Variants in MSMB observed in about 807,000 individuals in gnomAD.
MSMB encodes the protein microseminoprotein beta.
MSMB carries 10 observed loss-of-function variants against 10.5 expected under a neutral mutation model. The ratio of observed to expected loss-of-function variants is 0.95; its 90% confidence interval spans 0.59 to 1.62. The LOEUF is 1.62. MSMB is among the 40% of genes most tolerant of loss of function. The pLI is 0.00. For synonymous variants in MSMB, 43 were observed against 46.5 expected (o/e 0.93, Z 0.30); for missense variants, 126 against 137.4 (o/e 0.92, Z 0.42).
intron 1 of MSMB, among the ~76,000 whole-genome samples, chr10:46,044,251 T>C (rs1472646161): frequency 1.3e-5 from 2 of 151,760 alleles, no homozygotes; most frequent in African/African-American, 4.8e-5. Flanking sequence ...CAGCGAGCCT[T>C]GAGGTGAAGC....
chr10:46,037,294 G>A (rs569105813), intron 3 of MSMB, among the ~76,000 whole-genome samples: 1 of 152,274 alleles, frequency 6.6e-6, no homozygotes, highest in African/African-American at 2.4e-5. Context: ...ATTTCATCAA[G>A]CTTCCCAGGT....
chr10:46,044,947 G>T (rs1590199703), intron 1 of MSMB, among the ~76,000 whole-genome samples: 1 of 152,142 alleles, frequency 6.6e-6, no homozygotes, highest in East Asian at 1.9e-4. Context: ...TGGAGATGGG[G>T]AGGACCTCCC....
At chr10:46,041,108 C>T (rs1320514246) in intron 1 of MSMB, among the ~76,000 whole-genome samples, 2 of 152,082 alleles carry the variant, frequency 1.3e-5, no homozygotes, top group Non-Finnish European at 1.5e-5. Context: ...CTTTGGGAGG[C>T]GGAGGTGGGT....
rs576360471 is a variant in MSMB, at chr10:46,034,607, C to T, written c.216-1056G>A. ...TTGGGAGGCCGAGGCGGGCGGATCACGAGGTCAGGAGATCGAGACCATCCT... is the reference window on the plus strand; with the variant it reads ...TTGGGAGGCCGAGGCGGGCGGATCATGAGGTCAGGAGATCGAGACCATCCT... On this transcript the variant is annotated intron_variant, in intron 3 of 3. Coordinates refer to ENST00000582163, the MANE Select transcript of MSMB (RefSeq NM_002443.4). Among the ~76,000 whole-genome samples the T allele has an allele frequency of 2.5e-3, 379 of 151,468 alleles. 2 individuals carry two copies. The highest frequency in any genetic ancestry group is 4.4e-3 in the Non-Finnish European group (295 of 67,766).
At chr10:46,043,918 G>GC (rs57592785) in intron 1 of MSMB, among the ~76,000 whole-genome samples, 31,676 of 151,784 alleles carry the variant, frequency 0.21, 3,965 homozygotes, top group African/African-American at 0.36. Context: ...CAAATGATCC[G>GC]CCCGCCTCGG....
intron 1 of MSMB, among the ~76,000 whole-genome samples, chr10:46,042,224 A>G (rs1278552283): frequency 6.6e-6 from 1 of 152,214 alleles, no homozygotes; most frequent in Non-Finnish European, 1.5e-5. Context: ...TTACATACCA[A>G]TGGGAGAAGA....
chr10:46,045,450 T>C (rs1177488522), intron 1 of MSMB, among the ~76,000 whole-genome samples: 3 of 152,092 alleles, frequency 2.0e-5, no homozygotes, highest in Non-Finnish European at 4.4e-5. Flanking sequence ...GAGGATCACC[T>C]GAGCCCAGGA....
chr10:46,041,218 G>C (rs371089323), intron 1 of MSMB, among the ~76,000 whole-genome samples: 1 of 151,954 alleles, frequency 6.6e-6, no homozygotes, highest in African/African-American at 2.4e-5. Flanking sequence ...GGCGGCACAC[G>C]CCAGTAATCC....
intron 1 of MSMB, among the ~76,000 whole-genome samples, chr10:46,042,530 G>A (rs1270233185): frequency 2.0e-5 from 3 of 152,090 alleles, no homozygotes; most frequent in Non-Finnish European, 2.9e-5. Context: ...TCTTAAAACC[G>A]TTTACAACAT....
chr10:46,036,843 G>A (rs529925205), intron 3 of MSMB, among the ~76,000 whole-genome samples: 2 of 152,192 alleles, frequency 1.3e-5, no homozygotes, highest in Non-Finnish European at 2.9e-5. Flanking sequence ...AGGGAGCCAC[G>A]CTCCTATGTG....
At chr10:46,033,745 C>G (rs1840522090) in intron 3 of MSMB, among the ~76,000 whole-genome samples, 194 bp from the exon 4 acceptor site, 1 of 152,240 alleles carries the variant, frequency 6.6e-6, no homozygotes, top group South Asian at 2.1e-4. Context: ...CCCTACATTC[C>G]ATCCTGCAGG....
chr10:46,042,724 G>C (rs1554928809), intron 1 of MSMB, among the ~76,000 whole-genome samples: 1 of 152,154 alleles, frequency 6.6e-6, no homozygotes, highest in Non-Finnish European at 1.5e-5. Flanking sequence ...CAAGGTAGAA[G>C]GTGAAGTCAC....
At chr10:46,044,156 T>G (rs1341395940) in intron 1 of MSMB, among the ~76,000 whole-genome samples, 1 of 152,178 alleles carries the variant, frequency 6.6e-6, no homozygotes, top group African/African-American at 2.4e-5. Context: ...TGTCTTCCTT[T>G]CCTGCATTTA....
At chr10:46,044,603 A>AAAAAAAAAAAT (rs1840848804) in intron 1 of MSMB, among the ~76,000 whole-genome samples, 1 of 141,018 alleles carries the variant, frequency 7.1e-6, no homozygotes, top group Non-Finnish European at 1.5e-5. Context: ...AAAAAAAAAA[A>AAAAAAAAAAAT]GTTGTATCTC....
chr10:46,038,882 A>T (rs561544829), intron 3 of MSMB, 84 bp downstream of exon 3: 3 of 1,180,070 alleles, frequency 2.5e-6, no homozygotes, highest in African/African-American at 3.1e-5. Flanking sequence ...AAACCCCTGA[A>T]GATTGGAATT....
chr10:46,042,837 A>G (rs1427984521), intron 1 of MSMB, among the ~76,000 whole-genome samples: 4 of 152,218 alleles, frequency 2.6e-5, no homozygotes, highest in Non-Finnish European at 5.9e-5. Flanking sequence ...TTTGTACCAA[A>G]TAACAAGTCA....
At chr10:46,043,551 A>G (rs562775400) in intron 1 of MSMB, among the ~76,000 whole-genome samples, 1 of 152,182 alleles carries the variant, frequency 6.6e-6, no homozygotes, top group African/African-American at 2.4e-5. Flanking sequence ...ACAATCTAGG[A>G]GCCAGTGCCT....
intron 3 of MSMB, among the ~76,000 whole-genome samples, chr10:46,037,569 T>C (rs1287591126): frequency 2.6e-5 from 4 of 152,142 alleles, no homozygotes; most frequent in African/African-American, 9.7e-5. Context: ...AACATCTGCA[T>C]AGCCTTTGGG....
rs530285272 is a variant in MSMB at position 46,038,816 on chromosome 10, T to C, written c.215+150A>G. On this transcript the variant is annotated intron_variant, in intron 3 of 3. Transcript: ENST00000582163. Reference sequence around the variant, plus strand: ...AAATTTCTGTACCTCTGCTCAGTTTTGCTGTGAATCTAAAACTACTCTATA... The same window carrying C: ...AAATTTCTGTACCTCTGCTCAGTTTCGCTGTGAATCTAAAACTACTCTATA... The C allele has an allele frequency of 1.5e-5, 10 of 646,680 alleles. No homozygotes were observed. In the African/African-American group the frequency reaches 1.8e-4, roughly 12 times the overall value. 40.1% of individuals were successfully genotyped at this position (646,680 alleles called of 1,614,324 possible). A position where few individuals can be genotyped will look rare whatever the true frequency, so the allele number is the denominator to read the frequency against.
Sources: gnomAD v4.1 joint callset for allele counts (sites outside exome capture counted in the v4.1 genomes callset) on GRCh38, gnomAD v4.1.1 for gene constraint, MANE v1.5 for transcripts, NCBI Gene and HGNC (gene_info 2026-07-23, HGNC 2026-07-21) for gene names.